SRSF4: variants seen among roughly 807,000 people sequenced by gnomAD.
SRSF4 encodes serine and arginine rich splicing factor 4.
A neutral mutation model predicts 48.8 loss-of-function variants in SRSF4; 12 were observed. That is an observed-to-expected ratio of 0.25 (90% confidence interval 0.16 to 0.40). The LOEUF is 0.40. SRSF4 is among the 10% of genes least tolerant of loss of function. The pLI is 1.00. For missense variants in SRSF4, 466 were observed against 667.1 expected (o/e 0.70, Z 3.32); for synonymous variants, 248 against 232.5 (o/e 1.07, Z -0.61).
At chr1:29,156,025 T>C (rs1672494129) in intron 3 of SRSF4, among the ~76,000 whole-genome samples, 1 of 152,036 alleles carries the variant, frequency 6.6e-6, no homozygotes. Context: ...AGAGCGGGAC[T>C]CCATCTCAAA....
chr1:29,175,043 C>T (rs1366213926), intron 1 of SRSF4, among the ~76,000 whole-genome samples: 2 of 150,598 alleles, frequency 1.3e-5, no homozygotes, highest in Non-Finnish European at 3.0e-5. Context: ...CATGCCCATA[C>T]CTGTATGTGA....
At position 29,153,497 on chromosome 1, in the gene SRSF4, T is replaced by C. The variant is rs948612457; in HGVS notation, c.578+1199A>G. 2.6e-5 allele frequency among the ~76,000 whole-genome samples: 4 copies of C among 152,052 alleles called. No homozygotes were observed. In the East Asian group the frequency reaches 5.8e-4, roughly 22 times the overall value. On this transcript the variant is annotated intron_variant, in intron 4 of 5. Coordinates refer to ENST00000373795, the MANE Select transcript of SRSF4 (RefSeq NM_005626.5). Reference sequence around the variant, plus strand: ...CCAATGCTTAGCCCAGTGCCTGGCCTGTTCAGGTGCTAAGTAAGACAAAAT... The same window carrying C: ...CCAATGCTTAGCCCAGTGCCTGGCCCGTTCAGGTGCTAAGTAAGACAAAAT...
At chr1:29,178,905 G>C (rs1279336535) in intron 1 of SRSF4, among the ~76,000 whole-genome samples, 4 of 152,180 alleles carry the variant, frequency 2.6e-5, no homozygotes, top group Non-Finnish European at 5.9e-5. Flanking sequence ...AATGATGCCA[G>C]GAGGTCATAT....
At chr1:29,162,793 CAACT>C (rs1192277754) in intron 1 of SRSF4, among the ~76,000 whole-genome samples, 1 of 152,134 alleles carries the variant, frequency 6.6e-6, no homozygotes, top group Non-Finnish European at 1.5e-5. Context: ...AGGAAAATAC[CAACT>C]GTTTTCCTCA....
intron 2 of SRSF4, 97 bp from the exon 3 acceptor site, chr1:29,159,583 A>C: frequency 1.5e-6 from 1 of 686,854 alleles, no homozygotes; most frequent in Non-Finnish European, 2.4e-6. Flanking sequence ...ATTTACCCCC[A>C]CCCCAAACAA....
Position 29,147,989 on chromosome 1 carries a change from T to A in SRSF4, c.*421A>T. 1 of 434,946 alleles carries A rather than the reference T, an allele frequency of 2.3e-6. No individual in the cohort carries two copies. Among genetic ancestry groups the A allele is most frequent in the Non-Finnish European group, 4.7e-6 (1 of 214,002 alleles). 26.9% of individuals were successfully genotyped at this position (434,946 alleles called of 1,614,324 possible). ...GTCCAAAAATATGAAACCAAAGTGG[T>A]AGGAAACTTAAGACTTAGCACTTTC... On this transcript the variant is annotated 3_prime_UTR_variant, in exon 6 of 6. Coordinates refer to ENST00000373795, the MANE Select transcript of SRSF4 (RefSeq NM_005626.5).
rs760981441 is a variant in SRSF4, at chr1:29,181,660, C to A, written c.93G>T (p.Val31=). Residue 31 remains valine (V), a synonymous_variant, in exon 1 of 6, where the codon GTG becomes GTT. Coordinates refer to ENST00000373795, the MANE Select transcript of SRSF4 (RefSeq NM_005626.5). ...GCCCTCCTCACCCGTTCTTCAGATC[C>A]ACCTCCAGGATCTTCCCGTAGCCCT... is the stretch of plus-strand genomic sequence containing the variant. The part of the protein sequence containing the change: ...FFKGYGKILE[V]DLKNGYGFVE... The A allele has an allele frequency of 1.1e-5, 17 of 1,592,554 alleles. No individual in the cohort carries two copies. Among genetic ancestry groups the A allele is most frequent in the Admixed American group, 1.7e-5 (1 of 57,566 alleles).
intron 3 of SRSF4, among the ~76,000 whole-genome samples, chr1:29,156,726 G>C (rs1285610029): frequency 6.6e-6 from 1 of 152,022 alleles, no homozygotes; most frequent in Non-Finnish European, 1.5e-5. Context: ...ACTAAGGGTG[G>C]TAACTGTTGG....
At chr1:29,163,148 C>T (rs1480014281) in intron 1 of SRSF4, among the ~76,000 whole-genome samples, 2 of 152,210 alleles carry the variant, frequency 1.3e-5, no homozygotes, top group Admixed American at 1.3e-4. Context: ...CCTTGAGTTA[C>T]AGGGACAACT....
Position 29,149,161 on chromosome 1 carries a change from T to C in SRSF4, c.734A>G (p.Glu245Gly). The C allele has an allele frequency of 6.2e-7, 1 of 1,609,200 alleles. No homozygotes were observed. The highest frequency in any genetic ancestry group is 8.5e-7 in the Non-Finnish European group (1 of 1,177,248). Residue 245 changes from glutamate (E) to glycine (G), a missense_variant, in exon 6 of 6, where the codon GAG (glutamate) becomes GGG (glycine). Transcript: ENST00000373795. ...TTCCTTGCTGGGGCTCCTGCTTTTC[T>C]CTTTCTTGCTCCGGCTCCGACTCTG... ...RSQSRSRSKK[E>G]KSRSPSKEKS...
intron 1 of SRSF4, chr1:29,170,665 G>T (rs773803701): frequency 6.6e-6 from 1 of 152,092 alleles, no homozygotes; most frequent in African/African-American, 2.4e-5. Context: ...AAAATGGATG[G>T]ATCAATAGCT....
chr1:29,181,760 A>G lies in SRSF4; in HGVS notation c.-8T>C, dbSNP rs1036848307. The stretch of plus-strand genomic sequence containing the variant: ...GATGTACACCCGCGGCATCCCGGCA[A>G]CGGCAGTGATGGCTGGCCCCGGCCC... On this transcript the variant is annotated 5_prime_UTR_variant, in exon 1 of 6. Coordinates refer to ENST00000373795, the MANE Select transcript of SRSF4 (RefSeq NM_005626.5). 1 of 1,571,640 alleles carries G rather than the reference A, an allele frequency of 6.4e-7. No homozygotes were observed. Among genetic ancestry groups the G allele is most frequent in the Non-Finnish European group, 8.6e-7 (1 of 1,163,858 alleles).
intron 1 of SRSF4, among the ~76,000 whole-genome samples, chr1:29,176,392 G>A (rs991312452): frequency 7.0e-4 from 107 of 152,034 alleles, no homozygotes; most frequent in Non-Finnish European, 1.1e-3. Context: ...GCCACTTGGT[G>A]GTGGGTGAAG....
rs1405796808 is a variant in SRSF4 at position 29,154,710 on chromosome 1, G to A, written c.564C>T (p.Ser188=). 3.1e-6 allele frequency: 5 copies of A among 1,614,184 alleles called. No homozygotes were observed. The highest frequency in any genetic ancestry group is 2.2e-5 in the South Asian group (2 of 91,078). The change falls in exon 4 of 6, where the codon AGC becomes AGT. Residue 188 remains serine, a synonymous_variant. Transcript: ENST00000373795. The part of the protein sequence containing the change: ...GSRRRRSYSR[S]RSHSRSRSRS... ...ATCAACAGTACCTTGAATGACTCCG[G>A]CTTCTGGAGTAGGACCGGCGTCGTC...
chr1:29,170,753 GCT>G (rs1348109644), intron 1 of SRSF4: 1 of 151,982 alleles, frequency 6.6e-6, no homozygotes, highest in African/African-American at 2.4e-5. Flanking sequence ...TGAGCCTCCT[GCT>G]CTGTCTGCCC....
chr1:29,160,629 A>C, intron 1 of SRSF4, 112 bp from the exon 2 acceptor site: 1 of 1,266,378 alleles, frequency 7.9e-7, no homozygotes, highest in Non-Finnish European at 1.1e-6. Flanking sequence ...TGGATTTTGC[A>C]AACTAAGGAT....
chr1:29,159,548 GCACA>G (rs1672560730), intron 2 of SRSF4, 62 bp from the exon 3 acceptor site: 5 of 1,123,788 alleles, frequency 4.4e-6, no homozygotes, highest in African/African-American at 1.5e-5. Flanking sequence ...AAATGACACA[GCACA>G]CACCCCCCCT....
intron 1 of SRSF4, among the ~76,000 whole-genome samples, chr1:29,176,124 C>T (rs746177709): frequency 3.3e-5 from 5 of 152,038 alleles, no homozygotes; most frequent in Non-Finnish European, 7.3e-5. Flanking sequence ...TGGTGGCACG[C>T]GCCTGTAGTC....
chr1:29,159,668 ATT>A (rs1672562583), intron 2 of SRSF4, 182 bp from the exon 3 acceptor site: 1 of 451,136 alleles, frequency 2.2e-6, no homozygotes, highest in African/African-American at 2.0e-5. Context: ...AAATATAAAC[ATT>A]TAATTTAAAA....
Sources: allele counts gnomAD v4.1 joint callset (sites outside exome capture counted in the v4.1 genomes callset), GRCh38; gene constraint gnomAD v4.1.1; transcripts MANE v1.5; gene names NCBI Gene and HGNC (gene_info 2026-07-23, HGNC 2026-07-21).